VWA8: variants seen among roughly 807,000 people sequenced by gnomAD.
VWA8 encodes von Willebrand factor A domain containing 8.
Under a neutral mutation model 241.5 loss-of-function variants are expected in VWA8, and 221 were observed. The ratio of observed to expected loss-of-function variants is 0.91; its 90% CI spans 0.82 to 1.02. VWA8 has a LOEUF of 1.02. Ranked by LOEUF, VWA8 falls within the 50% of genes least tolerant of loss-of-function variation. The probability of loss-of-function intolerance (pLI) is 0.00; values close to 1 mark genes in which losing one functional copy is unlikely to be tolerated. For synonymous variants in VWA8, 852 were observed against 827.1 expected, an observed-to-expected ratio of 1.03 and a Z score of -0.52; for missense variants, 2,322 against 2,328.7, an observed-to-expected ratio of 1.00 and a Z score of 0.06.
chr13:41,850,032 T>C (rs1469044931), intron 12 of VWA8, among the ~76,000 whole-genome samples: 1 of 152,154 alleles, frequency 6.6e-6, no homozygotes, highest in Non-Finnish European at 1.5e-5. Context: ...GTTCCCAAAT[T>C]TGAAGTTTCT....
chr13:41,897,155 C>T (rs1006185823), intron 4 of VWA8, among the ~76,000 whole-genome samples: 1 of 151,044 alleles, frequency 6.6e-6, no homozygotes, highest in African/African-American at 2.4e-5. Context: ...CAGGACTAAG[C>T]GAATAAGGAA....
intron 32 of VWA8, among the ~76,000 whole-genome samples, chr13:41,690,825 G>A (rs994012859): frequency 7.9e-5 from 12 of 152,062 alleles, no homozygotes; most frequent in African/African-American, 2.4e-4. Context: ...AGTCGACACC[G>A]CCTTTCATCA....
intron 14 of VWA8, among the ~76,000 whole-genome samples, chr13:41,824,507 CTAGAT>C (rs1263691198): frequency 6.6e-6 from 1 of 151,922 alleles, no homozygotes; most frequent in African/African-American, 2.4e-5. Flanking sequence ...GGAGACAAAA[CTAGAT>C]TGGAAAGTGG....
intron 25 of VWA8, among the ~76,000 whole-genome samples, chr13:41,720,039 A>G (rs2045375807): frequency 6.6e-6 from 1 of 151,738 alleles, no homozygotes. Context: ...GCTTTCTGAA[A>G]TCTCCTGCCT....
intron 37 of VWA8, among the ~76,000 whole-genome samples, chr13:41,635,015 C>T (rs1566396132): frequency 6.6e-6 from 1 of 151,184 alleles, no homozygotes; most frequent in Non-Finnish European, 1.5e-5. Context: ...GTAGTTTTGG[C>T]CAAAATGACT....
At chr13:41,573,601 A>G (rs1054876409) in intron 43 of VWA8, among the ~76,000 whole-genome samples, 2 of 135,546 alleles carry the variant, frequency 1.5e-5, no homozygotes, top group African/African-American at 6.2e-5. Flanking sequence ...ATACACCTCT[A>G]TATATACGCA....
chr13:41,572,182 T>C (rs990429071), intron 43 of VWA8, among the ~76,000 whole-genome samples: 4 of 147,772 alleles, frequency 2.7e-5, no homozygotes, highest in Admixed American at 2.7e-4. Flanking sequence ...AGGTGGGGGG[T>C]CAGCCCCCGC....
chr13:41,939,497 G>A (rs1449224983), intron 2 of VWA8, among the ~76,000 whole-genome samples: 1 of 152,034 alleles, frequency 6.6e-6, no homozygotes, highest in Non-Finnish European at 1.5e-5. Context: ...AAAAACTGAA[G>A]AGTAATCCAA....
chr13:41,722,677 T>G (rs2045402491), intron 24 of VWA8, among the ~76,000 whole-genome samples: 1 of 152,040 alleles, frequency 6.6e-6, no homozygotes, highest in African/African-American at 2.4e-5. Flanking sequence ...ATTAGGACAG[T>G]AGAAATGGTG....
chr13:41,603,089 T>C (rs1471776874), intron 40 of VWA8, among the ~76,000 whole-genome samples: 1 of 152,170 alleles, frequency 6.6e-6, no homozygotes, highest in East Asian at 1.9e-4. Flanking sequence ...ATTGAGGATA[T>C]TTAGTAAGTT....
chr13:41,882,405 G>A (rs965477844), intron 9 of VWA8, among the ~76,000 whole-genome samples: 7 of 152,130 alleles, frequency 4.6e-5, no homozygotes, highest in Admixed American at 2.6e-4. Flanking sequence ...ACGGGGTGGC[G>A]GCCAGGCAGA....
chr13:41,600,546 T>G (rs2044514676), intron 40 of VWA8, among the ~76,000 whole-genome samples: 1 of 152,098 alleles, frequency 6.6e-6, no homozygotes, highest in Non-Finnish European at 1.5e-5. Context: ...TGTCCCTCTA[T>G]TCAGATGACC....
chr13:41,818,442 C>T (rs1299747748), intron 15 of VWA8, among the ~76,000 whole-genome samples: 7 of 151,698 alleles, frequency 4.6e-5, no homozygotes, highest in Admixed American at 1.3e-4. Context: ...TGTGGTGGTG[C>T]GCACCTGTAG....
Position 41,881,923 on chromosome 13 carries a change from C to T in VWA8, c.1080+1464G>A, listed in dbSNP as rs182886206. Among the ~76,000 whole-genome samples the T allele has an allele frequency of 6.3e-3, 932 of 147,718 alleles. 5 individuals are homozygous for T. The highest frequency in any genetic ancestry group is 0.022 in the African/African-American group (868 of 39,012). On this transcript the variant is annotated intron_variant, in intron 9 of 44. Coordinates refer to ENST00000379310, the MANE Select transcript of VWA8 (RefSeq NM_015058.2). ...CGGGGGCTGACCCCCACCTCCCTCCCGGACGGGGTGGCTGCTGGGCGGAGA... is the reference window on the plus strand; with the variant it reads ...CGGGGGCTGACCCCCACCTCCCTCCTGGACGGGGTGGCTGCTGGGCGGAGA...
intron 37 of VWA8, among the ~76,000 whole-genome samples, chr13:41,631,577 G>A (rs1036094570): frequency 1.3e-5 from 2 of 152,184 alleles, no homozygotes; most frequent in Middle Eastern, 6.8e-3. Context: ...TTATAGGCTC[G>A]TAGAACTCAT....
chr13:41,746,904 G>A lies in VWA8; in HGVS notation c.2426+14224C>T, dbSNP rs549187074. Among the ~76,000 whole-genome samples the A allele has an allele frequency of 2.6e-5, 4 of 152,212 alleles. No individual in the cohort carries two copies. The East Asian group carries it at 5.8e-4, about 22-fold the overall frequency. On this transcript the variant is annotated intron_variant, in intron 21 of 44. Coordinates refer to ENST00000379310, the MANE Select transcript of VWA8 (RefSeq NM_015058.2). ...GTTTGACCCATAGTCCTATCATATG[G>A]ATAATACTTTAGTGACATACTTACT...
intron 4 of VWA8, among the ~76,000 whole-genome samples, chr13:41,900,387 C>A (rs1875367615): frequency 6.6e-6 from 1 of 152,092 alleles, no homozygotes; most frequent in South Asian, 2.1e-4. Flanking sequence ...AGCTACAGAA[C>A]TTCCAGAGAC....
chr13:41,792,117 T>G (rs1393934190), intron 17 of VWA8, among the ~76,000 whole-genome samples: 1 of 151,980 alleles, frequency 6.6e-6, no homozygotes, highest in Non-Finnish European at 1.5e-5. Flanking sequence ...TTTCAAATGT[T>G]TATTGGTCAT....
At chr13:41,829,591 A>G (rs1871340399) in intron 14 of VWA8, among the ~76,000 whole-genome samples, 1 of 151,626 alleles carries the variant, frequency 6.6e-6, no homozygotes, top group South Asian at 2.1e-4. Context: ...ACACCATGGA[A>G]TACTACTCAG....
Sources: gnomAD v4.1 joint callset for allele counts (sites outside exome capture counted in the v4.1 genomes callset) on GRCh38, gnomAD v4.1.1 for gene constraint, MANE v1.5 for transcripts, NCBI Gene and HGNC (gene_info 2026-07-23, HGNC 2026-07-21) for gene names.